The following LAMA4 variants were observed in gnomAD, a reference collection of about 807,000 sequenced individuals.
LAMA4 encodes the protein laminin subunit alpha-4.
LAMA4 carries 127 observed loss-of-function variants against 207.1 expected under a neutral mutation model. The ratio of observed to expected loss-of-function variants is 0.61; its 90% confidence interval spans 0.53 to 0.71. The LOEUF (loss-of-function observed/expected upper bound fraction) is 0.71, where lower values mean the gene tolerates loss of function less well. Among genes scored for constraint, LAMA4 ranks in the 30% least tolerant of loss-of-function variants. The probability of loss-of-function intolerance (pLI) is 0.00; values close to 1 mark genes in which losing one functional copy is unlikely to be tolerated. For missense variants in LAMA4, 2,093 were observed against 2,246.5 expected, an observed-to-expected ratio of 0.93 and a Z score of 1.38; for synonymous variants, 761 against 816.0, an observed-to-expected ratio of 0.93 and a Z score of 1.15.
intron 38 of LAMA4, among the ~76,000 whole-genome samples, chr6:112,113,253 G>C (rs1385258621): frequency 2.6e-5 from 4 of 152,148 alleles, no homozygotes; most frequent in Admixed American, 2.6e-4. Context: ...ATTACACATT[G>C]TATACAGGTA....
intron 6 of LAMA4, among the ~76,000 whole-genome samples, chr6:112,191,133 C>G (rs570549161): frequency 3.9e-5 from 6 of 151,942 alleles, no homozygotes; most frequent in African/African-American, 1.2e-4. Context: ...AGGCACCCAC[C>G]ACCATGCCCA....
intron 2 of LAMA4, among the ~76,000 whole-genome samples, chr6:112,224,170 CTG>C (rs1180824248): frequency 1.3e-5 from 2 of 152,212 alleles, no homozygotes; most frequent in Non-Finnish European, 2.9e-5. Context: ...GTGCTTCAAC[CTG>C]TGTTGGATGA....
intron 2 of LAMA4, among the ~76,000 whole-genome samples, chr6:112,224,752 G>T (rs893978707): frequency 2.0e-5 from 3 of 147,610 alleles, no homozygotes; most frequent in African/African-American, 7.5e-5. Flanking sequence ...GGAGGCGGAG[G>T]TTGCAGTGAG....
At chr6:112,144,749 G>A (rs749840098) in intron 19 of LAMA4, 45 bp downstream of exon 19, 96 of 1,606,554 alleles carry the variant, frequency 6.0e-5, no homozygotes, top group Non-Finnish European at 7.9e-5. Flanking sequence ...TCAGCTTCGT[G>A]TTATTATTAC....
At chr6:112,217,103 A>G (rs1468637748) in intron 2 of LAMA4, among the ~76,000 whole-genome samples, 1 of 152,224 alleles carries the variant, frequency 6.6e-6, no homozygotes, top group Non-Finnish European at 1.5e-5. Context: ...CGAGGAACAC[A>G]TGACTTTCCC....
In LAMA4 at chr6:112,172,608, T is replaced by TACCTCATGGTCCCGCTGC. The variant is rs2114866555; in HGVS notation, c.1536_1551+2dup. 2 of 1,612,502 alleles carry TACCTCATGGTCCCGCTGC rather than the reference T, an allele frequency of 1.2e-6. No homozygotes were observed. The highest frequency in any genetic ancestry group is 8.5e-7 in the Non-Finnish European group (1 of 1,179,858). The stretch of plus-strand genomic sequence containing the variant: ...ATGCATTGATGGTGAGTGTCCGCTG[T>TACCTCATGGTCCCGCTGC]ACCTCATGGTCCCGCTGCCTGGCTG... On this transcript the variant is annotated splice_region_variant and intron_variant, in intron 12 of 38. Coordinates refer to ENST00000230538, the MANE Select transcript of LAMA4 (RefSeq NM_001105206.3).
rs781826667 is a variant in LAMA4 at position 112,144,847 on chromosome 6, T to C, written c.2440A>G (p.Ser814Gly). ...QKRPASNVSA[S>G]IQRIRELIAQ... ...ATGAGCTCTCGGATCCTCTGGATGC[T>C]GGCAGAAACGTTGCTTGCAGGTCGC... The change falls in exon 19 of 39, where the codon AGC becomes GGC. Residue 814 changes from serine to glycine, a missense_variant. Physicochemically the swap from Ser to Gly is moderately conservative, Grantham distance 56. Transcript: ENST00000230538. The C allele has an allele frequency of 1.9e-6, 3 of 1,614,008 alleles. No homozygotes were observed. Among genetic ancestry groups the C allele is most frequent in the East Asian group, 2.2e-5 (1 of 44,872 alleles).
intron 38 of LAMA4, among the ~76,000 whole-genome samples, chr6:112,111,050 TA>T (rs1777662145): frequency 6.6e-6 from 1 of 152,130 alleles, no homozygotes; most frequent in Non-Finnish European, 1.5e-5. Context: ...TTATTATTAT[TA>T]TTATTTTGAG....
chr6:112,253,559 C>T (rs1171268874), intron 2 of LAMA4: 2 of 595,358 alleles, frequency 3.4e-6, no homozygotes, highest in South Asian at 1.8e-5. Flanking sequence ...TCCCACTGTC[C>T]TAACAGCACA....
chr6:112,123,148 C>T (rs1778477716), intron 31 of LAMA4, among the ~76,000 whole-genome samples: 1 of 152,110 alleles, frequency 6.6e-6, no homozygotes, highest in African/African-American at 2.4e-5. Context: ...GCTTTCAAAG[C>T]AGGGAGGGAG....
rs376902525 is a variant in LAMA4 at position 112,122,293 on chromosome 6, T to C, written c.4288-92A>G. Reference sequence around the variant, plus strand: ...CCTCATCATTAATAAGGATAAAAAATTATATATTATTTGTGCATTTTCCAT... The same window carrying C: ...CCTCATCATTAATAAGGATAAAAAACTATATATTATTTGTGCATTTTCCAT... On this transcript the variant is annotated intron_variant, in intron 31 of 38. Coordinates refer to ENST00000230538, the MANE Select transcript of LAMA4 (RefSeq NM_001105206.3). 466 of 934,270 alleles carry C rather than the reference T, an allele frequency of 5.0e-4. 4 individuals are homozygous for C. Among genetic ancestry groups the C allele is most frequent in the South Asian group, 8.3e-4 (58 of 70,062 alleles). The allele number at this position is 934,270 out of a possible 1,614,324, so 57.9% of individuals were successfully genotyped here.
At chr6:112,175,085 A>AT (rs1781943247) in intron 11 of LAMA4, among the ~76,000 whole-genome samples, 1 of 152,134 alleles carries the variant, frequency 6.6e-6, no homozygotes, top group African/African-American at 2.4e-5. Flanking sequence ...TCCTTGTGGC[A>AT]TCTCAGTTGT....
At chr6:112,172,265 C>A (rs76794765) in intron 12 of LAMA4, 5 of 283,220 alleles carry the variant, frequency 1.8e-5, no homozygotes, top group African/African-American at 9.0e-5. Flanking sequence ...TTATGCATAC[C>A]CAGAACCCAT....
At chr6:112,198,046 G>A (rs1168628108) in intron 5 of LAMA4, among the ~76,000 whole-genome samples, 1 of 152,174 alleles carries the variant, frequency 6.6e-6, no homozygotes, top group Non-Finnish European at 1.5e-5. Flanking sequence ...CTTAGGTCAC[G>A]GTTTGAGAAA....
At chr6:112,149,431 G>A (rs1780240607) in intron 17 of LAMA4, among the ~76,000 whole-genome samples, 1 of 152,116 alleles carries the variant, frequency 6.6e-6, no homozygotes. Flanking sequence ...AGGGATGGGT[G>A]GGAAATAATT....
chr6:112,138,984 A>T (rs1779516574), intron 24 of LAMA4, 136 bp downstream of exon 24: 2 of 868,932 alleles, frequency 2.3e-6, no homozygotes, highest in Non-Finnish European at 3.7e-6. Context: ...TGAAGAAGAA[A>T]ATCCAATTTG....
chr6:112,206,794 C>T (rs893764969), intron 4 of LAMA4, among the ~76,000 whole-genome samples: 1 of 152,146 alleles, frequency 6.6e-6, no homozygotes, highest in African/African-American at 2.4e-5. Context: ...ATGATGCACC[C>T]CAATATTTCG....
At chr6:112,230,427 T>C (rs1227916017) in intron 2 of LAMA4, among the ~76,000 whole-genome samples, 1 of 152,232 alleles carries the variant, frequency 6.6e-6, no homozygotes, top group Non-Finnish European at 1.5e-5. Context: ...CTGGGTGACC[T>C]TGCCCAGATT....
At chr6:112,112,695 AT>A (rs1554322010) in intron 38 of LAMA4, among the ~76,000 whole-genome samples, 1 of 152,028 alleles carries the variant, frequency 6.6e-6, no homozygotes, top group Non-Finnish European at 1.5e-5. Flanking sequence ...GGTCTCAAAT[AT>A]TTTTTTTCAC....
Sources: allele counts gnomAD v4.1 joint callset (sites outside exome capture counted in the v4.1 genomes callset), GRCh38; gene constraint gnomAD v4.1.1; transcripts MANE v1.5; gene names NCBI Gene and HGNC (gene_info 2026-07-23, HGNC 2026-07-21).